Variants in NTN4 observed in about 807,000 individuals in gnomAD.
NTN4 encodes the protein netrin-4.
Under a neutral mutation model 73.6 loss-of-function variants are expected in NTN4, and 32 were observed. The ratio of observed to expected loss-of-function variants is 0.44; its 90% CI spans 0.33 to 0.58. The LOEUF (loss-of-function observed/expected upper bound fraction) is 0.58. Ranked by LOEUF, NTN4 falls within the 20% of genes least tolerant of loss-of-function variation. The probability of loss-of-function intolerance (pLI) is 0.04; values close to 1 mark genes in which losing one functional copy is unlikely to be tolerated. For synonymous variants in NTN4, 258 were observed against 287.5 expected (o/e 0.90, Z 1.04); for missense variants, 654 against 798.3 (o/e 0.82, Z 2.18).
chr12:95,700,908 G>C (rs775320999), intron 5 of NTN4, among the ~76,000 whole-genome samples: 1 of 147,134 alleles, frequency 6.8e-6, no homozygotes, highest in Non-Finnish European at 1.5e-5. Context: ...CTGCCTCCTC[G>C]GTTCAAGTGA....
At chr12:95,664,460 G>A (rs183221472) in intron 9 of NTN4, among the ~76,000 whole-genome samples, 7 of 152,262 alleles carry the variant, frequency 4.6e-5, no homozygotes, top group Admixed American at 4.6e-4. Context: ...AAGGATGTGA[G>A]AGATTGGTCA....
At chr12:95,693,650 G>T (rs1290253562) in intron 5 of NTN4, among the ~76,000 whole-genome samples, 1 of 149,392 alleles carries the variant, frequency 6.7e-6, no homozygotes, top group Admixed American at 6.7e-5. Flanking sequence ...AGAATCGCTT[G>T]AACCTGGGAA....
intron 5 of NTN4, among the ~76,000 whole-genome samples, chr12:95,686,250 G>C (rs1474746951): frequency 6.6e-6 from 1 of 152,098 alleles, no homozygotes. Flanking sequence ...CAGCCCTCAG[G>C]GAACTTATAG....
chr12:95,664,887 T>C (rs1408116388), intron 9 of NTN4, among the ~76,000 whole-genome samples: 1 of 152,088 alleles, frequency 6.6e-6, no homozygotes, highest in Non-Finnish European at 1.5e-5. Context: ...AATAAACTCA[T>C]ATAAACAATG....
intron 3 of NTN4, among the ~76,000 whole-genome samples, chr12:95,727,701 G>C (rs1293026111): frequency 6.6e-6 from 1 of 152,162 alleles, no homozygotes; most frequent in Non-Finnish European, 1.5e-5. Context: ...AATTACTATA[G>C]ATTTGAGGTA....
chr12:95,716,634 C>T (rs2078607736), intron 3 of NTN4, among the ~76,000 whole-genome samples: 1 of 151,868 alleles, frequency 6.6e-6, no homozygotes, highest in Non-Finnish European at 1.5e-5. Context: ...GTTTCTTCTC[C>T]AGCTTTCCCC....
chr12:95,665,864 A>G lies in NTN4; in HGVS notation c.1696T>C (p.Leu566=), dbSNP rs753435211. ...CTGTCCGTCCATGATTCTGGATATA[A>G]TGTTCGCTTTCCTCGGAAAATCTTC... is the stretch of plus-strand genomic sequence containing the variant. ...KLKIFRGKRT[L]YPESWTDRGC... The change falls in exon 9 of 10, where the codon TTA becomes CTA. Residue 566 remains leucine, a synonymous_variant. Transcript: ENST00000343702. 3.1e-6 allele frequency: 5 copies of G among 1,614,044 alleles called. No homozygotes were observed. Among genetic ancestry groups the G allele is most frequent in the Non-Finnish European group, 4.2e-6 (5 of 1,179,942 alleles).
At position 95,737,892 on chromosome 12, in the gene NTN4, C is replaced by T; in HGVS notation, c.838G>A (p.Val280Ile). ...QCIPVHGFRP[V>I]KAPGTFHMVH... Reference sequence around the variant, plus strand: ...ATGTGGAATGTTCCTGGGGCCTTGACAGGTCTGAAGCCATGAACAGGTATG... The same window carrying T: ...ATGTGGAATGTTCCTGGGGCCTTGATAGGTCTGAAGCCATGAACAGGTATG... Residue 280 changes from valine to isoleucine, a missense_variant, in exon 3 of 10, where the codon GTC becomes ATC. Transcript: ENST00000343702. 8.7e-6 allele frequency: 14 copies of T among 1,613,156 alleles called. No homozygotes were observed. Among genetic ancestry groups the T allele is most frequent in the Non-Finnish European group, 1.2e-5 (14 of 1,179,260 alleles).
chr12:95,770,482 T>C (rs1480838030), intron 2 of NTN4, among the ~76,000 whole-genome samples: 1 of 152,204 alleles, frequency 6.6e-6, no homozygotes, highest in Non-Finnish European at 1.5e-5. Flanking sequence ...TGACCTCCAT[T>C]ACCTTTACTT....
rs1013761026 is a variant in NTN4, at chr12:95,756,025, C to G, written c.586-17881G>C. Among the ~76,000 whole-genome samples the G allele has an allele frequency of 2.0e-5, 3 of 152,114 alleles. No individual in the cohort carries two copies. The South Asian group carries it at 6.2e-4, about 31-fold the overall frequency. ...CAATCAATGGGCTAGTCCAATTAGA[C>G]GAAACTGAGGCTCTGAGAACTTGAA... On this transcript the variant is annotated intron_variant, in intron 2 of 9. Coordinates refer to ENST00000343702, the MANE Select transcript of NTN4 (RefSeq NM_021229.4).
intron 5 of NTN4, among the ~76,000 whole-genome samples, chr12:95,684,453 C>G (rs1325418125): frequency 6.6e-6 from 1 of 151,788 alleles, no homozygotes; most frequent in African/African-American, 2.4e-5. Context: ...CCGGCACCAT[C>G]ATACCTGGCT....
intron 2 of NTN4, among the ~76,000 whole-genome samples, chr12:95,752,454 CCT>C (rs2078916309): frequency 6.6e-6 from 1 of 151,540 alleles, no homozygotes; most frequent in Non-Finnish European, 1.5e-5. Context: ...TTCATCCCAG[CCT>C]CTCTTTGCTT....
At position 95,787,418 on chromosome 12, in the gene NTN4, G is replaced by A. The variant is rs749014633; in HGVS notation, c.106C>T (p.Pro36Ser). ...CCCAAAGCCAAATTTCCCATCCGAG[G>A]GTTGCAGGCTTTTTCACAGCGGGAA... is the stretch of plus-strand genomic sequence containing the variant. ...VSSRCEKACN[P>S]RMGNLALGRK... The change falls in exon 2 of 10, where the codon CCT (proline) becomes TCT (serine). Residue 36 changes from proline (P) to serine (S), a missense_variant. Physicochemically the swap from Pro to Ser is moderately conservative, Grantham distance 74. Transcript: ENST00000343702. 14 of 1,614,058 alleles carry A rather than the reference G, an allele frequency of 8.7e-6. No individual in the cohort carries two copies.
At chr12:95,677,428 G>T (rs1176659106) in intron 7 of NTN4, among the ~76,000 whole-genome samples, 2 of 151,452 alleles carry the variant, frequency 1.3e-5, no homozygotes, top group African/African-American at 2.4e-5. Context: ...ATAAATAATT[G>T]CAGAGAATAG....
intron 2 of NTN4, among the ~76,000 whole-genome samples, chr12:95,739,215 T>G (rs758374457): frequency 6.6e-6 from 1 of 152,206 alleles, no homozygotes; most frequent in Non-Finnish European, 1.5e-5. Flanking sequence ...AGGTGAGAAT[T>G]CCAAATAACT....
intron 2 of NTN4, among the ~76,000 whole-genome samples, chr12:95,775,812 C>G (rs1592717418): frequency 6.6e-6 from 1 of 152,220 alleles, no homozygotes; most frequent in Non-Finnish European, 1.5e-5. Context: ...ATGTCCCTGT[C>G]TGACAGCTTT....
At chr12:95,684,039 A>G (rs1266832999) in intron 5 of NTN4, among the ~76,000 whole-genome samples, 1 of 152,148 alleles carries the variant, frequency 6.6e-6, no homozygotes, top group Non-Finnish European at 1.5e-5. Context: ...AAAGGAAAAG[A>G]CGTCATGAGA....
intron 2 of NTN4, among the ~76,000 whole-genome samples, chr12:95,783,594 T>C (rs1460197869): frequency 6.6e-6 from 1 of 152,172 alleles, no homozygotes; most frequent in Non-Finnish European, 1.5e-5. Context: ...GGGTCACAAA[T>C]AGAGGGAGAG....
chr12:95,725,330 G>A (rs2121131654), intron 3 of NTN4, among the ~76,000 whole-genome samples: 1 of 152,230 alleles, frequency 6.6e-6, no homozygotes, highest in East Asian at 1.9e-4. Context: ...CTGTCTTCTA[G>A]GATTTAGAAG....
Sources: gnomAD v4.1 joint callset for allele counts (sites outside exome capture counted in the v4.1 genomes callset) on GRCh38, gnomAD v4.1.1 for gene constraint, MANE v1.5 for transcripts, NCBI Gene and HGNC (gene_info 2026-07-23, HGNC 2026-07-21) for gene names.